Variants in TCF20 observed in about 807,000 individuals in gnomAD.
The protein encoded by TCF20 is SPRE-binding protein.
A neutral mutation model predicts 148.6 loss-of-function variants in TCF20; 3 were observed. That is an observed-to-expected ratio of 0.02 (90% CI 0.01 to 0.05). The LOEUF (loss-of-function observed/expected upper bound fraction) is 0.05. Ranked by LOEUF, TCF20 falls within the 10% of genes least tolerant of loss-of-function variation. The probability of loss-of-function intolerance (pLI) is 1.00; values close to 1 mark genes in which losing one functional copy is unlikely to be tolerated. For missense variants in TCF20, 2,350 were observed against 2,429.3 expected (o/e 0.97, Z 0.69); for synonymous variants, 1,049 against 909.5 (o/e 1.15, Z -2.76).
intron 1 of TCF20, among the ~76,000 whole-genome samples, chr22:42,268,039 G>A (rs568467749): frequency 1.3e-5 from 2 of 151,604 alleles, no homozygotes; most frequent in Admixed American, 6.6e-5. Context: ...CCAGCTACTC[G>A]GGAGGCTGAC....
intron 2 of TCF20, among the ~76,000 whole-genome samples, chr22:42,196,292 G>A (rs546687351): frequency 2.0e-5 from 3 of 152,322 alleles, no homozygotes; most frequent in African/African-American, 7.2e-5. Flanking sequence ...GGTGACAGGT[G>A]AGCTGGTTTT....
intron 2 of TCF20, among the ~76,000 whole-genome samples, chr22:42,201,623 C>T (rs1285762306): frequency 6.6e-6 from 1 of 152,010 alleles, no homozygotes; most frequent in African/African-American, 2.4e-5. Flanking sequence ...CAAAAATTAG[C>T]CAGGCATGGT....
chr22:42,270,161 G>A (rs1601684362), intron 1 of TCF20, 178 bp downstream of exon 1: 1 of 152,156 alleles, frequency 6.6e-6, no homozygotes, highest in Non-Finnish European at 1.5e-5. Context: ...GGTCGGGCCG[G>A]GCAGCAACAC....
rs759924449 is a variant in TCF20, at chr22:42,211,826, A to T, written c.3480T>A (p.Ala1160=). Residue 1160 remains alanine (A), a synonymous_variant, in exon 2 of 6, where the codon GCT becomes GCA. Coordinates refer to ENST00000677622, the MANE Select transcript of TCF20 (RefSeq NM_001378418.1). The stretch of plus-strand genomic sequence containing the variant: ...CATCACTAGACATTAGGCAGCGCCC[A>T]GCCTCCTGGGCACTGGGGTCATGGT... ...GTYHDPSAQE[A]GRCLMSSDGL... is the part of the protein sequence containing the mutation. 4 of 1,614,108 alleles carry T rather than the reference A, an allele frequency of 2.5e-6. No homozygotes were observed. Among genetic ancestry groups the T allele is most frequent in the Non-Finnish European group, 3.4e-6 (4 of 1,180,052 alleles).
At chr22:42,314,654 G>GGCTGTTC (rs1157980296) in intron 1 of TCF20, among the ~76,000 whole-genome samples, 1 of 152,216 alleles carries the variant, frequency 6.6e-6, no homozygotes, top group Non-Finnish European at 1.5e-5. Context: ...AGAACAGGGG[G>GGCTGTTC]TCCTGCCCTG....
chr22:42,212,808 T>A lies in TCF20; in HGVS notation c.2498A>T (p.Gln833Leu). 6.2e-7 allele frequency: 1 copy of A among 1,614,222 alleles called. No homozygotes were observed. Among genetic ancestry groups the A allele is most frequent in the Non-Finnish European group, 8.5e-7 (1 of 1,180,016 alleles). ...KSSSTAPEMK[Q>L]INLTDYPIPR... ...AATTGGATAGTCAGTCAAATTGATC[T>A]GTTTCATTTCAGGAGCTGTGCTGCT... Residue 833 changes from glutamine to leucine, a missense_variant, in exon 2 of 6, where the codon CAG becomes CTG. Gln to Leu is a moderately radical substitution (Grantham distance 113). Transcript: ENST00000677622.
At chr22:42,183,404 G>A (rs1049775765) in intron 2 of TCF20, among the ~76,000 whole-genome samples, 4 of 152,180 alleles carry the variant, frequency 2.6e-5, no homozygotes, top group Non-Finnish European at 5.9e-5. Context: ...AATCACACAG[G>A]CCCATAAAAG....
intron 1 of TCF20, among the ~76,000 whole-genome samples, chr22:42,251,859 T>C (rs1925396054): frequency 6.6e-6 from 1 of 152,068 alleles, no homozygotes; most frequent in Non-Finnish European, 1.5e-5. Context: ...ATTATATTGT[T>C]TGGATTTCGA....
chr22:42,295,166 C>T (rs532881453), intron 1 of TCF20, among the ~76,000 whole-genome samples: 2 of 152,340 alleles, frequency 1.3e-5, no homozygotes, highest in South Asian at 4.1e-4. Context: ...CTCCTAACCC[C>T]AGCCTGGGCC....
rs764379021 is a variant in TCF20, at chr22:42,214,340, T to G, written c.966A>C (p.Gln322His). The G allele has an allele frequency of 1.2e-4, 196 of 1,609,562 alleles. No individual in the cohort carries two copies. Among genetic ancestry groups the G allele is most frequent in the East Asian group, 1.6e-4 (7 of 44,882 alleles). The change falls in exon 2 of 6, where the codon CAA becomes CAC. Residue 322 changes from glutamine (Q) to histidine (H), a missense_variant. Coordinates refer to ENST00000677622, the MANE Select transcript of TCF20 (RefSeq NM_001378418.1). ...ACTGCATCACATGCTGAGAAGGGTG[T>G]TGTTGTTGCTGCGGTTGCTGCTGCT... Reference protein sequence around the residue: ...GQQQQQPQQQQHPSQHVMQYT... With the variant: ...GQQQQQPQQQHHPSQHVMQYT...
chr22:42,252,435 C>T (rs1436634116), intron 1 of TCF20, among the ~76,000 whole-genome samples: 2 of 152,060 alleles, frequency 1.3e-5, no homozygotes, highest in African/African-American at 2.4e-5. Flanking sequence ...TTAAAAATCA[C>T]CTTTATCCAC....
In TCF20 at chr22:42,270,373, G is replaced by A. The variant is rs1443301172; in HGVS notation, c.-71C>T. On this transcript the variant is annotated 5_prime_UTR_variant, in exon 1 of 6. Coordinates refer to ENST00000677622, the MANE Select transcript of TCF20 (RefSeq NM_001378418.1). ...CCCCCCGCCCAGTCCCTCGGCCTCCGCCGGGGGCGGGCGGGGAGGGAGCGG... is the reference window on the plus strand; with the variant it reads ...CCCCCCGCCCAGTCCCTCGGCCTCCACCGGGGGCGGGCGGGGAGGGAGCGG... Among the ~76,000 whole-genome samples the A allele has an allele frequency of 6.6e-6, 1 of 151,126 alleles. No individual in the cohort carries two copies. The highest frequency in any genetic ancestry group is 1.5e-5 in the Non-Finnish European group (1 of 67,628).
intron 1 of TCF20, among the ~76,000 whole-genome samples, chr22:42,221,761 CG>C (rs1922388904): frequency 1.3e-4 from 1 of 7,484 alleles, no homozygotes; most frequent in African/African-American, 3.1e-3. Context: ...TTTTTTGAGA[CG>C]GAGTCTCGTT....
chr22:42,340,535 CA>C (rs1303068403), intron 1 of TCF20, among the ~76,000 whole-genome samples: 2 of 152,144 alleles, frequency 1.3e-5, no homozygotes, highest in Non-Finnish European at 2.9e-5. Context: ...CACCAGGATT[CA>C]ACCCCAGACA....
intron 2 of TCF20, among the ~76,000 whole-genome samples, chr22:42,205,968 T>C (rs942470880): frequency 3.9e-5 from 6 of 152,090 alleles, no homozygotes; most frequent in South Asian, 2.1e-4. Flanking sequence ...GACACGGGGT[T>C]TGACCATGTT....
chr22:42,330,385 T>TC (rs1225770968), intron 1 of TCF20, among the ~76,000 whole-genome samples: 3 of 151,560 alleles, frequency 2.0e-5, no homozygotes, highest in South Asian at 2.1e-4. Flanking sequence ...CCTCGCTCCT[T>TC]CCCCCCCACC....
At chr22:42,275,553 C>T (rs758274682), upstream of TCF20, among the ~76,000 whole-genome samples, 5 of 152,202 alleles carry the variant, frequency 3.3e-5, no homozygotes, top group African/African-American at 9.6e-5. Context: ...ATTTCTTCAG[C>T]TGTAAATTGG....
At position 42,292,501 on chromosome 22, in the gene TCF20, T is replaced by C. The variant is rs946102916; in HGVS notation, c.-37+50978A>G. ...AGCACATACGCTGAGGATAGGGACA[T>C]AACAAGGGCTCAGCCTGGCCCTCAA... On this transcript the variant is annotated intron_variant, in intron 1 of 1. Transcript: ENST00000515426. The surrounding 1 kb of genome is among the most constrained non-coding windows in gnomAD (Gnocchi z 4.9). 1.1e-4 allele frequency among the ~76,000 whole-genome samples: 17 copies of C among 152,226 alleles called. No individual in the cohort carries two copies. The highest frequency in any genetic ancestry group is 3.9e-4 in the African/African-American group (16 of 41,538).
upstream of TCF20, among the ~76,000 whole-genome samples, chr22:42,272,094 C>T (rs1308163673): frequency 6.6e-6 from 1 of 152,226 alleles, no homozygotes. Flanking sequence ...CAGGTCAGGA[C>T]TATTCCTGGG....
Sources: gnomAD v4.1 joint callset for allele counts (sites outside exome capture counted in the v4.1 genomes callset) on GRCh38, gnomAD v4.1.1 for gene constraint, Gnocchi (gnomAD v3.1) non-coding constraint, MANE v1.5 for transcripts, NCBI Gene and HGNC (gene_info 2026-07-23, HGNC 2026-07-21) for gene names.